Variants in DGLUCY observed in about 807,000 individuals in gnomAD.
The protein encoded by DGLUCY is D-glutamate cyclase.
In DGLUCY, 58 loss-of-function variants were observed where a neutral mutation model predicts 58.5. The observed-to-expected ratio is 0.99, with a 90% CI of 0.80 to 1.23. The LOEUF is 1.23. Among genes scored for constraint, DGLUCY ranks in the 50% most tolerant of loss-of-function variants. The pLI is 0.00. For missense variants in DGLUCY, 779 were observed against 784.7 expected, an observed-to-expected ratio of 0.99 and a Z score of 0.09; for synonymous variants, 325 against 314.1, an observed-to-expected ratio of 1.03 and a Z score of -0.37.
At chr14:91,083,754 C>T (rs1160569315) in intron 1 of DGLUCY, among the ~76,000 whole-genome samples, 3 of 151,818 alleles carry the variant, frequency 2.0e-5, no homozygotes, top group South Asian at 2.1e-4. Flanking sequence ...TATGTGTTTC[C>T]ACCTCGGGGC....
chr14:91,207,361 G>A (rs1402297132), intron 12 of DGLUCY, among the ~76,000 whole-genome samples: 1 of 151,982 alleles, frequency 6.6e-6, no homozygotes, highest in Non-Finnish European at 1.5e-5. Context: ...ACCCACAACA[G>A]ATCAGAATAT....
intron 1 of DGLUCY, among the ~76,000 whole-genome samples, chr14:91,093,642 T>C (rs1007048100): frequency 2.0e-5 from 3 of 151,956 alleles, no homozygotes; most frequent in Non-Finnish European, 4.4e-5. Context: ...CTATCTCTAC[T>C]AAAAATACAA....
chr14:91,091,595 C>T (rs1398374605), intron 1 of DGLUCY, among the ~76,000 whole-genome samples: 1 of 152,258 alleles, frequency 6.6e-6, no homozygotes, highest in South Asian at 2.1e-4. Context: ...TATGCCTTTT[C>T]CTGAACGTGG....
At chr14:91,165,146 T>C (rs2048205528) in intron 3 of DGLUCY, 1 of 425,332 alleles carries the variant, frequency 2.4e-6, no homozygotes, top group African/African-American at 2.0e-5. Context: ...AACACATTGT[T>C]TCATTACCTA....
intron 2 of DGLUCY, 33 bp from the exon 3 acceptor site, chr14:91,160,233 T>G (rs1025086641): frequency 7.4e-7 from 1 of 1,358,918 alleles, no homozygotes. Context: ...GGGCCACACT[T>G]TCTAATTTGT....
At chr14:91,169,827 C>T (rs1170900654) in intron 4 of DGLUCY, among the ~76,000 whole-genome samples, 176 bp from the exon 5 acceptor site, 1 of 152,048 alleles carries the variant, frequency 6.6e-6, no homozygotes, top group African/African-American at 2.4e-5. Flanking sequence ...GATCTGGGGA[C>T]ATTTGAAGGA....
chr14:91,165,224 C>T (rs139245563), intron 3 of DGLUCY: 5 of 455,480 alleles, frequency 1.1e-5, no homozygotes, highest in African/African-American at 4.0e-5. Context: ...CTTCTGTAAC[C>T]GTAATTTTAA....
chr14:91,181,083 G>T (rs2049141210), intron 7 of DGLUCY, 103 bp from the exon 8 acceptor site: 1 of 1,095,844 alleles, frequency 9.1e-7, no homozygotes, highest in Non-Finnish European at 1.3e-6. Flanking sequence ...CTTAGGCTGA[G>T]TTGATGGCCA....
intron 1 of DGLUCY, among the ~76,000 whole-genome samples, chr14:91,149,179 G>C (rs1237923104): frequency 6.6e-6 from 1 of 150,652 alleles, no homozygotes; most frequent in Non-Finnish European, 1.5e-5. Flanking sequence ...CCCGTGCGGC[G>C]GAGGTTGCTG....
chr14:91,187,006 CTT>C (rs34930812), intron 8 of DGLUCY, among the ~76,000 whole-genome samples: 12 of 148,930 alleles, frequency 8.1e-5, no homozygotes, highest in Admixed American at 1.3e-4. Flanking sequence ...TCTTCTTCTT[CTT>C]TTTTTTTTTG....
chr14:91,080,725 A>T (rs1463434711), intron 1 of DGLUCY, among the ~76,000 whole-genome samples: 1 of 148,560 alleles, frequency 6.7e-6, no homozygotes, highest in African/African-American at 2.5e-5. Flanking sequence ...CAAACTCATC[A>T]TATAAGAGAG....
At chr14:91,070,558 TA>T (rs2043897966) in intron 1 of DGLUCY, among the ~76,000 whole-genome samples, 1 of 151,590 alleles carries the variant, frequency 6.6e-6, no homozygotes, top group Admixed American at 6.6e-5. Flanking sequence ...GGTTCAGAAG[TA>T]AAAGTAAGGA....
intron 6 of DGLUCY, chr14:91,173,669 TC>T: frequency 1.9e-6 from 1 of 513,002 alleles, no homozygotes; most frequent in Non-Finnish European, 3.3e-6. Flanking sequence ...ACCAGGGGTC[TC>T]CAGGGGCAAA....
chr14:91,162,155 TC>T (rs1298161417), intron 3 of DGLUCY, among the ~76,000 whole-genome samples: 1 of 152,150 alleles, frequency 6.6e-6, no homozygotes, highest in Non-Finnish European at 1.5e-5. Context: ...CCTGAGCTGT[TC>T]CCCGCTGCCG....
chr14:91,224,978 G>A lies in DGLUCY; in HGVS notation c.*145G>A, dbSNP rs991951153. The stretch of plus-strand genomic sequence containing the variant: ...ACTCGCCTGGCCTGGGAAACTGCAT[G>A]CCCACTTTCTGGGAGGGGTTAGTGC... On this transcript the variant is annotated 3_prime_UTR_variant, in exon 14 of 14. Transcript: ENST00000256324. The A allele has an allele frequency of 4.6e-5, 44 of 949,220 alleles. No individual in the cohort carries two copies. Among genetic ancestry groups the A allele is most frequent in the Non-Finnish European group, 5.4e-5 (37 of 679,526 alleles). 58.8% of individuals were successfully genotyped at this position (949,220 alleles called of 1,614,324 possible).
At chr14:91,223,613 A>G (rs1358795778) in intron 13 of DGLUCY, 2 of 1,244,202 alleles carry the variant, frequency 1.6e-6, no homozygotes, top group African/African-American at 3.1e-5. Flanking sequence ...GTGCTTTGGG[A>G]TTTTATTTTT....
chr14:91,108,633 G>A (rs111513584), intron 1 of DGLUCY, among the ~76,000 whole-genome samples: 20,367 of 151,380 alleles, frequency 0.13, 1,469 homozygotes, highest in African/African-American at 0.16. Context: ...CACATCTCAG[G>A]TTCAAGGCAT....
intron 8 of DGLUCY, among the ~76,000 whole-genome samples, chr14:91,181,951 T>G (rs531045353): frequency 1.3e-5 from 2 of 151,030 alleles, no homozygotes; most frequent in Admixed American, 6.6e-5. Context: ...AGCCTTGCTT[T>G]CTTCTTTATG....
intron 3 of DGLUCY, 135 bp from the exon 4 acceptor site, chr14:91,167,090 G>T: frequency 1.7e-6 from 2 of 1,161,708 alleles, no homozygotes; most frequent in Non-Finnish European, 2.4e-6. Context: ...AGTGAGCCAA[G>T]ATTGTGCCAT....
Sources: gnomAD v4.1 joint callset for allele counts (sites outside exome capture counted in the v4.1 genomes callset) on GRCh38, gnomAD v4.1.1 for gene constraint, MANE v1.5 for transcripts, NCBI Gene and HGNC (gene_info 2026-07-23, HGNC 2026-07-21) for gene names.